Variants in VPS45 observed in about 807,000 individuals in gnomAD.
VPS45 encodes vacuolar protein sorting 45 homolog.
Under a neutral mutation model 75.9 loss-of-function variants are expected in VPS45, and 35 were observed. The ratio of observed to expected loss-of-function variants is 0.46; its 90% CI spans 0.35 to 0.61. VPS45 has a LOEUF of 0.61. Among genes scored for constraint, VPS45 ranks in the 20% least tolerant of loss-of-function variants. The pLI is 0.00. For synonymous variants in VPS45, 220 were observed against 238.2 expected, an observed-to-expected ratio of 0.92 and a Z score of 0.70; for missense variants, 559 against 685.9, an observed-to-expected ratio of 0.81 and a Z score of 2.07.
chr1:150,072,592 G>T (rs1413059333), intron 3 of VPS45, among the ~76,000 whole-genome samples: 1 of 149,550 alleles, frequency 6.7e-6, no homozygotes, highest in Non-Finnish European at 1.5e-5. Context: ...GAGAGGCGGA[G>T]ATTGCAGTGA....
chr1:150,074,682 C>A (rs1026962938), intron 3 of VPS45, among the ~76,000 whole-genome samples: 1 of 152,124 alleles, frequency 6.6e-6, no homozygotes, highest in East Asian at 1.9e-4. Context: ...GCCACCGCAC[C>A]GAACTTTTAA....
At chr1:150,074,381 T>G (rs1655252092) in intron 3 of VPS45, among the ~76,000 whole-genome samples, 1 of 152,168 alleles carries the variant, frequency 6.6e-6, no homozygotes, top group Admixed American at 6.5e-5. Context: ...AAAAAAAGTT[T>G]TCTTAATTTA....
At chr1:150,122,754 T>A (rs1553809905) in intron 14 of VPS45, among the ~76,000 whole-genome samples, 1 of 151,826 alleles carries the variant, frequency 6.6e-6, no homozygotes, top group Non-Finnish European at 1.5e-5. Context: ...ATCCCAGCAC[T>A]TTGGGAGGCT....
At chr1:150,088,477 TTTTTC>T (rs1571843593) in intron 10 of VPS45, among the ~76,000 whole-genome samples, 1 of 20,096 alleles carries the variant, frequency 5.0e-5, no homozygotes, top group Non-Finnish European at 1.7e-4. Context: ...TCTTTTCCCT[TTTTTC>T]TTTTTTTTTT....
At chr1:150,072,823 CA>C (rs879964423) in intron 3 of VPS45, among the ~76,000 whole-genome samples, 88 of 139,784 alleles carry the variant, frequency 6.3e-4, no homozygotes, top group Non-Finnish European at 6.6e-4. Flanking sequence ...TCACCCCTGC[CA>C]AAAAAAAAAA....
chr1:150,076,726 ACT>A, intron 4 of VPS45, 188 bp from the exon 5 acceptor site: 1 of 619,192 alleles, frequency 1.6e-6, no homozygotes, highest in South Asian at 2.0e-5. Flanking sequence ...TATTATTGCT[ACT>A]GTTTTGTAAT....
intron 13 of VPS45, among the ~76,000 whole-genome samples, chr1:150,098,231 A>G (rs1656783211): frequency 1.3e-5 from 2 of 152,240 alleles, no homozygotes; most frequent in Admixed American, 1.3e-4. Context: ...TTAGTTACAT[A>G]TCTATCCTTC....
At chr1:150,113,354 A>G (rs1657748466) in intron 14 of VPS45, among the ~76,000 whole-genome samples, 1 of 152,202 alleles carries the variant, frequency 6.6e-6, no homozygotes, top group Non-Finnish European at 1.5e-5. Context: ...ACTTACACAC[A>G]GTTATTTCAT....
At chr1:150,111,561 GAA>G (rs1657651933) in intron 14 of VPS45, among the ~76,000 whole-genome samples, 1 of 152,072 alleles carries the variant, frequency 6.6e-6, no homozygotes, top group Non-Finnish European at 1.5e-5. Context: ...GGTAGAAGAG[GAA>G]AAGACTGGAG....
chr1:150,083,808 G>C (rs1481728546), intron 10 of VPS45, among the ~76,000 whole-genome samples: 1 of 151,888 alleles, frequency 6.6e-6, no homozygotes. Flanking sequence ...ACTGAAGCCA[G>C]GTTATGGCCA....
chr1:150,088,274 A>G (rs778299503), intron 10 of VPS45, among the ~76,000 whole-genome samples: 53 of 151,904 alleles, frequency 3.5e-4, no homozygotes, highest in Non-Finnish European at 6.8e-4. Context: ...CTCTACTTCT[A>G]TGAGTTCAAT....
chr1:150,091,882 T>G, intron 10 of VPS45, 55 bp from the exon 11 acceptor site: 1 of 1,545,012 alleles, frequency 6.5e-7, no homozygotes, highest in Non-Finnish European at 8.8e-7. Flanking sequence ...TAAGGCATTG[T>G]ACAACAGATG....
chr1:150,081,260 ATCAGTTT>A, intron 7 of VPS45, 75 bp from the exon 8 acceptor site: 2 of 1,336,860 alleles, frequency 1.5e-6, no homozygotes, highest in Non-Finnish European at 2.0e-6. Context: ...AAAGAATGTT[ATCAGTTT>A]TTATTTGTTT....
chr1:150,144,957 C>T lies in VPS45; in HGVS notation c.*161C>T. On this transcript the variant is annotated 3_prime_UTR_variant, in exon 15 of 15. Transcript: ENST00000644510. Reference sequence around the variant, plus strand: ...CGTGGTTGGCACAGACACAAGACTCCCAGAGTTGTCCTAACAATAAGTCTG... The same window carrying T: ...CGTGGTTGGCACAGACACAAGACTCTCAGAGTTGTCCTAACAATAAGTCTG... The T allele has an allele frequency of 6.5e-7, 1 of 1,528,602 alleles. No individual in the cohort carries two copies. The highest frequency in any genetic ancestry group is 8.8e-7 in the Non-Finnish European group (1 of 1,140,318). 94.7% of individuals were successfully genotyped at this position (1,528,602 alleles called of 1,614,324 possible).
In VPS45 at chr1:150,101,473, C is replaced by T. The variant is rs587655132; in HGVS notation, c.1493+7825C>T. Among the ~76,000 whole-genome samples the T allele has an allele frequency of 1.5e-3, 235 of 152,070 alleles. 8 individuals are homozygous for T. In the South Asian group the frequency reaches 0.047, roughly 30 times the overall value. ...AAAATAGGCTGGGCATGGTGGTTCA[C>T]GCCTGTAATCCCAGCACTTTGGGAG... On this transcript the variant is annotated intron_variant, in intron 13 of 14. Transcript: ENST00000644510.
At chr1:150,105,193 G>T (rs1657251999) in intron 13 of VPS45, among the ~76,000 whole-genome samples, 1 of 152,148 alleles carries the variant, frequency 6.6e-6, no homozygotes, top group South Asian at 2.1e-4. Context: ...AAAGTTGGAA[G>T]CATTTCCCCT....
intron 10 of VPS45, 165 bp downstream of exon 10, chr1:150,083,048 G>T (rs1655805449): frequency 1.4e-6 from 1 of 727,196 alleles, no homozygotes; most frequent in Non-Finnish European, 2.1e-6. Context: ...TATAAAAAGA[G>T]TCACAAGAGA....
chr1:150,097,753 T>G (rs587713980), intron 13 of VPS45, among the ~76,000 whole-genome samples: 1 of 151,952 alleles, frequency 6.6e-6, no homozygotes, highest in African/African-American at 2.4e-5. Context: ...AAAGTGTACA[T>G]GTATATAAAT....
Position 150,143,985 on chromosome 1 carries a change from A to G in VPS45, c.1626-724A>G, listed in dbSNP as rs147764704. On this transcript the variant is annotated intron_variant, in intron 14 of 14. Coordinates refer to ENST00000644510, the MANE Select transcript of VPS45 (RefSeq NM_007259.5). ...AAACGGTGCTCAGAACAAAATGAAT[A>G]TAAGTATTCTTTATTAGGGCACATT... 5.5e-3 allele frequency among the ~76,000 whole-genome samples: 844 copies of G among 152,338 alleles called. 6 individuals are homozygous for G. Among genetic ancestry groups the G allele is most frequent in the Middle Eastern group, 0.027 (8 of 294 alleles).
Sources: allele counts gnomAD v4.1 joint callset (sites outside exome capture counted in the v4.1 genomes callset), GRCh38; gene constraint gnomAD v4.1.1; transcripts MANE v1.5; gene names NCBI Gene and HGNC (gene_info 2026-07-23, HGNC 2026-07-21).